Variants in TMEM245 observed in about 807,000 individuals in gnomAD.
TMEM245 encodes protein CG-2.
A neutral mutation model predicts 101.2 loss-of-function variants in TMEM245; 69 were observed. That is an observed-to-expected ratio of 0.68 (90% CI 0.56 to 0.83). The LOEUF (loss-of-function observed/expected upper bound fraction) is 0.83. Among genes scored for constraint, TMEM245 ranks in the 40% least tolerant of loss-of-function variants. TMEM245 has a pLI of 0.00. For synonymous variants in TMEM245, 537 were observed against 449.8 expected (o/e 1.19, Z -2.45); for missense variants, 1,075 against 1,092.8 (o/e 0.98, Z 0.23).
intron 7 of TMEM245, among the ~76,000 whole-genome samples, chr9:109,083,929 A>AAAAAAAAAAAC (rs1298306808): frequency 2.1e-5 from 3 of 140,210 alleles, no homozygotes; most frequent in African/African-American, 7.8e-5. Context: ...AAAAAAAAAA[A>AAAAAAAAAAAC]CACCAGGCAT....
chr9:109,069,500 A>G (rs893946463), intron 9 of TMEM245, among the ~76,000 whole-genome samples: 1 of 152,168 alleles, frequency 6.6e-6, no homozygotes, highest in Admixed American at 6.5e-5. Flanking sequence ...CAGAGGACAG[A>G]AGACCTCACT....
intron 1 of TMEM245, among the ~76,000 whole-genome samples, chr9:109,109,386 A>C (rs563010485): frequency 6.6e-6 from 1 of 152,162 alleles, no homozygotes; most frequent in African/African-American, 2.4e-5. Flanking sequence ...CAAAGACCTT[A>C]ATTAACATAA....
At chr9:109,094,348 T>C (rs1830084034) in intron 3 of TMEM245, among the ~76,000 whole-genome samples, 1 of 152,178 alleles carries the variant, frequency 6.6e-6, no homozygotes, top group African/African-American at 2.4e-5. Flanking sequence ...AAAATTGTAT[T>C]TCTTGGATTC....
chr9:109,096,306 G>A (rs1393076931), intron 3 of TMEM245, among the ~76,000 whole-genome samples: 3 of 152,092 alleles, frequency 2.0e-5, no homozygotes, highest in South Asian at 2.1e-4. Flanking sequence ...CCGAAACCCC[G>A]TCTCTACTAA....
chr9:109,101,467 G>A (rs1290420396), intron 3 of TMEM245, among the ~76,000 whole-genome samples: 1 of 152,146 alleles, frequency 6.6e-6, no homozygotes, highest in African/African-American at 2.4e-5. Flanking sequence ...CACACCAGAT[G>A]GTTTGAGTTC....
At chr9:109,078,084 T>C (rs1363752363) in intron 8 of TMEM245, among the ~76,000 whole-genome samples, 1 of 152,210 alleles carries the variant, frequency 6.6e-6, no homozygotes, top group Non-Finnish European at 1.5e-5. Flanking sequence ...GTTTAACTTA[T>C]CTAAATCTTA....
intron 4 of TMEM245, 32 bp downstream of exon 4, chr9:109,093,443 A>G: frequency 6.4e-7 from 1 of 1,565,554 alleles, no homozygotes; most frequent in South Asian, 1.2e-5. Context: ...ATTTTCCAGA[A>G]TAACCTTGAA....
rs938929275 is a variant in TMEM245 at position 109,094,497 on chromosome 9, T to C, written c.800-906A>G. On this transcript the variant is annotated intron_variant, in intron 3 of 17. Coordinates refer to ENST00000374586, the MANE Select transcript of TMEM245 (RefSeq NM_032012.4). ...AAACACAGTCAGTCAGGAAGGCATA[T>C]GGTTTTTCCGCAGCAACTTAGCAGA... Among the ~76,000 whole-genome samples the C allele has an allele frequency of 7.9e-5, 12 of 152,208 alleles. 1 individual carries two copies. The highest frequency in any genetic ancestry group is 2.7e-4 in the African/African-American group (11 of 41,458).
intron 11 of TMEM245, among the ~76,000 whole-genome samples, chr9:109,057,925 CTT>C (rs35332085): frequency 1.2e-4 from 13 of 112,706 alleles, no homozygotes; most frequent in Admixed American, 3.0e-4. Flanking sequence ...CATTTACTTT[CTT>C]TTTTTTTTTT....
At chr9:109,051,473 A>G (rs911804066) in intron 12 of TMEM245, among the ~76,000 whole-genome samples, 1 of 152,188 alleles carries the variant, frequency 6.6e-6, no homozygotes, top group Admixed American at 6.5e-5. Context: ...GTACTGATAC[A>G]AACCTAAATG....
rs374947533 is a variant in TMEM245, at chr9:109,085,974, C to A, written c.1344+23G>T. 1.9e-6 allele frequency: 3 copies of A among 1,613,338 alleles called. No homozygotes were observed. The African/African-American group carries it at 4.0e-5, about 22-fold the overall frequency. ...GCATTACGGAATTCAATAGTAAAAA[C>A]CAACATCTGGGTGTTCATTTACCTT... On this transcript the variant is annotated intron_variant, in intron 7 of 17. Transcript: ENST00000374586.
intron 14 of TMEM245, chr9:109,046,159 C>A (rs1828483305): frequency 3.9e-6 from 2 of 514,914 alleles, no homozygotes; most frequent in South Asian, 2.9e-5. Flanking sequence ...CATCAGGACA[C>A]CCACCCACTG....
At chr9:109,024,877 G>A (rs1270547541) in intron 17 of TMEM245, among the ~76,000 whole-genome samples, 1 of 152,208 alleles carries the variant, frequency 6.6e-6, no homozygotes. Context: ...GCCATGGGAA[G>A]CCACTGTGGG....
intron 8 of TMEM245, 26 bp from the exon 9 acceptor site, chr9:109,073,464 G>A (rs1198708838): frequency 2.0e-6 from 3 of 1,534,952 alleles, no homozygotes; most frequent in Non-Finnish European, 2.7e-6. Context: ...AGAAAGAAAA[G>A]AATCTCAGTA....
chr9:109,073,693 T>C (rs555271659), intron 8 of TMEM245, among the ~76,000 whole-genome samples: 35 of 152,254 alleles, frequency 2.3e-4, no homozygotes, highest in Non-Finnish European at 4.1e-4. Flanking sequence ...AATAGATATG[T>C]TCAAATACTT....
At chr9:109,043,459 T>C (rs1335838235) in intron 14 of TMEM245, among the ~76,000 whole-genome samples, 1 of 152,226 alleles carries the variant, frequency 6.6e-6, no homozygotes, top group East Asian at 1.9e-4. Context: ...TTATGGACTA[T>C]ATACGCTTCC....
chr9:109,109,513 G>A (rs1011005340), intron 1 of TMEM245, among the ~76,000 whole-genome samples: 1 of 151,658 alleles, frequency 6.6e-6, no homozygotes, highest in Non-Finnish European at 1.5e-5. Context: ...GAACTGATGG[G>A]ATTACTAAAA....
chr9:109,067,541 A>T (rs1829206393), intron 9 of TMEM245, among the ~76,000 whole-genome samples: 1 of 152,204 alleles, frequency 6.6e-6, no homozygotes, highest in Non-Finnish European at 1.5e-5. Context: ...AGTTTAGCCT[A>T]CTGGGTTTCT....
chr9:109,036,005 A>C (rs1828109773), intron 16 of TMEM245: 1 of 250,190 alleles, frequency 4.0e-6, no homozygotes. Context: ...AAAAAAAAAA[A>C]AAACCCCAAA....
Sources: gnomAD v4.1 joint callset for allele counts (sites outside exome capture counted in the v4.1 genomes callset) on GRCh38, gnomAD v4.1.1 for gene constraint, MANE v1.5 for transcripts, NCBI Gene and HGNC (gene_info 2026-07-23, HGNC 2026-07-21) for gene names.